The following TRAPPC1 variants were observed in gnomAD, a reference collection of about 807,000 sequenced individuals.
The protein encoded by TRAPPC1 is trafficking protein particle complex subunit 1.
TRAPPC1 carries 10 observed loss-of-function variants against 17.2 expected under a neutral mutation model. The observed-to-expected ratio is 0.58, with a 90% confidence interval of 0.36 to 0.99. TRAPPC1 has a LOEUF of 0.99. TRAPPC1 is among the 50% of genes least tolerant of loss of function. TRAPPC1 has a pLI of 0.01. For synonymous variants in TRAPPC1, 85 were observed against 74.5 expected (o/e 1.14, Z -0.72); for missense variants, 163 against 184.4 (o/e 0.88, Z 0.67).
At chr17:7,931,956 G>T, upstream of TRAPPC1, 1 of 787,250 alleles carries the variant, frequency 1.3e-6, no homozygotes, top group Non-Finnish European at 2.2e-6. Flanking sequence ...TGCTCCGAGT[G>T]CCCGTCAAGA....
At chr17:7,931,309 C>T (rs1972490082) in intron 2 of TRAPPC1, 160 bp from the exon 3 acceptor site, 1 of 1,101,538 alleles carries the variant, frequency 9.1e-7, no homozygotes. Context: ...CAATTTAGCC[C>T]CCACCAACTT....
chr17:7,931,023 G>A lies in TRAPPC1; in HGVS notation c.297C>T (p.His99=). The A allele has an allele frequency of 1.9e-6, 3 of 1,613,952 alleles. No individual in the cohort carries two copies. The highest frequency in any genetic ancestry group is 2.5e-6 in the Non-Finnish European group (3 of 1,179,970). The part of the protein sequence containing the change: ...GVGPIRDVLH[H]IYSALYVELV... ...GGCTGGCACTGACCGCACTGTAGAT[G>A]TGGTGCAGCACATCTCGGATGGGTC... Residue 99 remains histidine, a synonymous_variant, in exon 3 of 4, where the codon CAC becomes CAT. Coordinates refer to ENST00000303731, the MANE Select transcript of TRAPPC1 (RefSeq NM_021210.5).
In TRAPPC1 at chr17:7,931,011, C is replaced by T. The variant is rs758570880; in HGVS notation, c.309G>A (p.Ala103=). 6.8e-6 allele frequency: 11 copies of T among 1,613,262 alleles called. No homozygotes were observed. In the African/African-American group the frequency reaches 1.2e-4, roughly 18 times the overall value. The change falls in exon 3 of 4, where the codon GCG becomes GCA. Residue 103 remains alanine (A), a splice_region_variant and synonymous_variant. Transcript: ENST00000303731. ...ATGGGTCCCTGGGGCTGGCACTGAC[C>T]GCACTGTAGATGTGGTGCAGCACAT... ...IRDVLHHIYS[A]LYVELVVKNP...
Position 7,930,472 on chromosome 17 carries a change from A to C in TRAPPC1, c.*134T>G. On this transcript the variant is annotated 3_prime_UTR_variant, in exon 4 of 4. Transcript: ENST00000303731. The stretch of plus-strand genomic sequence containing the variant: ...TTCACTCTGGTAGGAGGAGAGCATC[A>C]GGGCAGGCCTTTAGGCTGTTGCTCT... 3 of 1,089,922 alleles carry C rather than the reference A, an allele frequency of 2.8e-6. No homozygotes were observed. The highest frequency in any genetic ancestry group is 2.6e-6 in the Non-Finnish European group (2 of 757,610). 67.5% of individuals were successfully genotyped at this position (1,089,922 alleles called of 1,614,324 possible).
intron 3 of TRAPPC1, 94 bp downstream of exon 3, chr17:7,930,917 G>C: frequency 6.5e-7 from 1 of 1,531,674 alleles, no homozygotes; most frequent in Non-Finnish European, 8.8e-7. Context: ...CTCTTGAGTT[G>C]AGCAAACATA....
Position 7,930,440 on chromosome 17 carries a change from T to C in TRAPPC1, c.*166A>G, listed in dbSNP as rs1972400537. On this transcript the variant is annotated 3_prime_UTR_variant, in exon 4 of 4. Transcript: ENST00000303731. The stretch of plus-strand genomic sequence containing the variant: ...GCCTGGTGTGGAGGTGGAGGGACTC[T>C]GTGGGCTTCACTCTGGTAGGAGGAG... 1.3e-6 allele frequency: 1 copy of C among 768,692 alleles called. No individual in the cohort carries two copies. Among genetic ancestry groups the C allele is most frequent in the Admixed American group, 2.4e-5 (1 of 41,726 alleles). 47.6% of individuals were successfully genotyped at this position (768,692 alleles called of 1,614,324 possible). A position where few individuals can be genotyped will look rare whatever the true frequency, so the allele number is the denominator to read the frequency against.
Position 7,930,465 on chromosome 17 carries a change from G to A in TRAPPC1, c.*141C>T. 9.9e-7 allele frequency: 1 copy of A among 1,012,158 alleles called. No individual in the cohort carries two copies. Among genetic ancestry groups the A allele is most frequent in the Non-Finnish European group, 1.5e-6 (1 of 680,626 alleles). The allele number at this position is 1,012,158 out of a possible 1,614,324, so 62.7% of individuals were successfully genotyped here. A position where few individuals can be genotyped will look rare whatever the true frequency, so the allele number is the denominator to read the frequency against. ...TGTGGGCTTCACTCTGGTAGGAGGA[G>A]AGCATCAGGGCAGGCCTTTAGGCTG... On this transcript the variant is annotated 3_prime_UTR_variant, in exon 4 of 4. Coordinates refer to ENST00000303731, the MANE Select transcript of TRAPPC1 (RefSeq NM_021210.5).
rs986424001 is a variant in TRAPPC1 at position 7,931,108 on chromosome 17, A to C, written c.212T>G (p.Leu71Arg). 1 of 1,613,784 alleles carries C rather than the reference A, an allele frequency of 6.2e-7. No individual in the cohort carries two copies. Among genetic ancestry groups the C allele is most frequent in the South Asian group, 1.1e-5 (1 of 91,050 alleles). ...FLAFQTSRYK[L>R]HYYETPTGIK... ...CCCAGTGGGCGTCTCGTAGTAATGG[A>C]GTTTGTAACGGCTAGTTTGGAAGGC... The change falls in exon 3 of 4, where the codon CTC (leucine) becomes CGC (arginine). Residue 71 changes from leucine (L) to arginine (R), a missense_variant. By Grantham distance (102) the Leu-to-Arg change is moderately radical. Coordinates refer to ENST00000303731, the MANE Select transcript of TRAPPC1 (RefSeq NM_021210.5).
chr17:7,931,507 T>G lies in TRAPPC1; in HGVS notation c.169A>C (p.Met57Leu), dbSNP rs1972506711. The G allele has an allele frequency of 6.2e-7, 1 of 1,613,162 alleles. No individual in the cohort carries two copies. Reference protein sequence around the residue: ...SFVSKMSPLDMKDGFLAFQTS... With the variant: ...SFVSKMSPLDLKDGFLAFQTS... Reference sequence around the variant, plus strand: ...AACATCTTCTCTGACTCCGCGTACATGTCTAGCGGGGACATCTTGCTGACA... The same window carrying G: ...AACATCTTCTCTGACTCCGCGTACAGGTCTAGCGGGGACATCTTGCTGACA... Residue 57 changes from methionine to leucine, a missense_variant and splice_region_variant, in exon 2 of 4, where the codon ATG (methionine) becomes CTG (leucine). Met to Leu is a conservative substitution (Grantham distance 15). Coordinates refer to ENST00000303731, the MANE Select transcript of TRAPPC1 (RefSeq NM_021210.5).
Position 7,930,993 on chromosome 17 carries a change from C to A in TRAPPC1, c.309+18G>T, listed in dbSNP as rs1202089658. 13 of 1,612,488 alleles carry A rather than the reference C, an allele frequency of 8.1e-6. No homozygotes were observed. Among genetic ancestry groups the A allele is most frequent in the Non-Finnish European group, 1.1e-5 (13 of 1,179,448 alleles). ...TCTGAAGAGCTCTGGGGGATGGGTCCCTGGGGCTGGCACTGACCGCACTGT... is the reference window on the plus strand; with the variant it reads ...TCTGAAGAGCTCTGGGGGATGGGTCACTGGGGCTGGCACTGACCGCACTGT... On this transcript the variant is annotated intron_variant, in intron 3 of 3. Coordinates refer to ENST00000303731, the MANE Select transcript of TRAPPC1 (RefSeq NM_021210.5).
Position 7,930,928 on chromosome 17 carries a change from T to C in TRAPPC1, c.309+83A>G, listed in dbSNP as rs1047123588. 4 of 1,551,354 alleles carry C rather than the reference T, an allele frequency of 2.6e-6. No homozygotes were observed. In the African/African-American group the frequency reaches 4.1e-5, roughly 16 times the overall value. On this transcript the variant is annotated intron_variant, in intron 3 of 3. Coordinates refer to ENST00000303731, the MANE Select transcript of TRAPPC1 (RefSeq NM_021210.5). ...AAAACTCTTGAGTTGAGCAAACATA[T>C]AGTAGGATTGGGGCAGGGGAGATGA...
Position 7,931,918 on chromosome 17 carries a change from G to A in TRAPPC1, c.-89C>T. Reference sequence around the variant, plus strand: ...GGACCCACAGCCTTCCAACCAGGTGGGGACCCCACCCACGGACTCACCGGA... The same window carrying A: ...GGACCCACAGCCTTCCAACCAGGTGAGGACCCCACCCACGGACTCACCGGA... On this transcript the variant is annotated 5_prime_UTR_variant, in exon 1 of 4. Coordinates refer to ENST00000303731, the MANE Select transcript of TRAPPC1 (RefSeq NM_021210.5). 2 of 1,148,568 alleles carry A rather than the reference G, an allele frequency of 1.7e-6. No individual in the cohort carries two copies. Among genetic ancestry groups the A allele is most frequent in the Non-Finnish European group, 2.6e-6 (2 of 758,318 alleles). The allele number at this position is 1,148,568 out of a possible 1,614,324, so 71.1% of individuals were successfully genotyped here.
Position 7,930,625 on chromosome 17 carries a change from AAGAAGGGC to A in TRAPPC1, c.411_418del (p.Pro138LeufsTer29). On this transcript the variant is annotated frameshift_variant, in exon 4 of 4. Transcript: ENST00000303731. LOFTEE classifies it high-confidence loss of function. Reference sequence around the variant, plus strand: ...GTTGCTTCAGCCAGCCCGGGCGGAGAAGAAGGGCAGAGAGCGAACATAGGAGTCCAGTC... The same window carrying A: ...GTTGCTTCAGCCAGCCCGGGCGGAGAAGAGAGCGAACATAGGAGTCCAGTC... 1 of 1,613,994 alleles carries A rather than the reference AAGAAGGGC, an allele frequency of 6.2e-7. No individual in the cohort carries two copies. Among genetic ancestry groups the A allele is most frequent in the African/African-American group, 1.3e-5 (1 of 74,960 alleles).
chr17:7,931,379 C>T (rs1972497152), intron 2 of TRAPPC1, 127 bp downstream of exon 2: 3 of 1,119,996 alleles, frequency 2.7e-6, no homozygotes, highest in Non-Finnish European at 3.9e-6. Context: ...TCGCTCCGGA[C>T]TCAGCCTCTC....
At chr17:7,930,761 A>C in intron 3 of TRAPPC1, 27 bp from the exon 4 acceptor site, 1 of 1,611,458 alleles carries the variant, frequency 6.2e-7, no homozygotes, top group Non-Finnish European at 8.5e-7. Context: ...TGTTAGAGCC[A>C]GGCTTTGGAT....
chr17:7,931,212 A>G, intron 2 of TRAPPC1, 63 bp from the exon 3 acceptor site: 1 of 1,575,694 alleles, frequency 6.3e-7, no homozygotes, highest in Non-Finnish European at 8.6e-7. Flanking sequence ...GACACTTCTG[A>G]TCCCCGCAAA....
Position 7,930,601 on chromosome 17 carries a change from T to C in TRAPPC1, c.*5A>G, listed in dbSNP as rs751505496. ...GAATTCTCCTGAGACTTGAGGTAGG[T>C]TGCTTCAGCCAGCCCGGGCGGAGAA... On this transcript the variant is annotated 3_prime_UTR_variant, in exon 4 of 4. Coordinates refer to ENST00000303731, the MANE Select transcript of TRAPPC1 (RefSeq NM_021210.5). 1.2e-6 allele frequency: 2 copies of C among 1,613,928 alleles called. No homozygotes were observed. Among genetic ancestry groups the C allele is most frequent in the East Asian group, 2.2e-5 (1 of 44,864 alleles).
At chr17:7,930,346 G>A (rs955670497), downstream of TRAPPC1, 55 of 466,354 alleles carry the variant, frequency 1.2e-4, no homozygotes, top group Non-Finnish European at 1.7e-4. Flanking sequence ...CGCTCAGGCC[G>A]CAGAGAGTGA....
At chr17:7,931,374 C>T in intron 2 of TRAPPC1, 132 bp downstream of exon 2, 2 of 1,095,120 alleles carry the variant, frequency 1.8e-6, no homozygotes, top group Non-Finnish European at 2.7e-6. Context: ...CACTCTCGCT[C>T]CGGACTCAGC....
Sources: gnomAD v4.1 joint callset for allele counts on GRCh38, gnomAD v4.1.1 for gene constraint, MANE v1.5 for transcripts, NCBI Gene and HGNC (gene_info 2026-07-23, HGNC 2026-07-21) for gene names.